Variants in METTL15 observed in about 807,000 individuals in gnomAD.
METTL15 encodes the protein methyltransferase 15, mitochondrial 12S rRNA N4-cytidine, also known as 12S rRNA N(4)-cytidine methyltransferase METTL15.
METTL15 carries 34 observed loss-of-function variants against 38.3 expected under a neutral mutation model. The ratio of observed to expected loss-of-function variants is 0.89; its 90% CI spans 0.68 to 1.18. The LOEUF (loss-of-function observed/expected upper bound fraction) is 1.18. Ranked by LOEUF, METTL15 falls within the 50% of genes most tolerant of loss-of-function variation. METTL15 has a pLI of 0.00. For missense variants in METTL15, 438 were observed against 498.4 expected (o/e 0.88, Z 1.15); for synonymous variants, 162 against 170.9 (o/e 0.95, Z 0.41).
chr11:28,476,430 T>C (rs570519805), intron 6 of METTL15, among the ~76,000 whole-genome samples: 2 of 152,300 alleles, frequency 1.3e-5, no homozygotes, highest in East Asian at 3.9e-4. Flanking sequence ...GAATTCTTAT[T>C]TGGTATTATT....
chr11:28,323,127 A>G (rs1159859122), intron 6 of METTL15, among the ~76,000 whole-genome samples: 1 of 152,214 alleles, frequency 6.6e-6, no homozygotes, highest in African/African-American at 2.4e-5. Flanking sequence ...TTGAATTTAA[A>G]GAATTTAAAG....
chr11:28,491,570 GGGGCAGAATA>G (rs1851494944), intron 6 of METTL15, among the ~76,000 whole-genome samples: 2 of 152,016 alleles, frequency 1.3e-5, no homozygotes, highest in African/African-American at 2.4e-5. Context: ...CAAAAATAGA[GGGGCAGAATA>G]TGGCAGGTCA....
intron 3 of METTL15, among the ~76,000 whole-genome samples, chr11:28,176,528 A>G (rs897822251): frequency 2.6e-5 from 4 of 152,182 alleles, no homozygotes; most frequent in African/African-American, 9.6e-5. Flanking sequence ...ATAAGGGTTA[A>G]ATCAGTTAAT....
intron 3 of METTL15, among the ~76,000 whole-genome samples, chr11:28,189,379 A>G (rs1006381772): frequency 2.0e-5 from 3 of 151,326 alleles, no homozygotes; most frequent in African/African-American, 7.2e-5. Flanking sequence ...GTTATAATAG[A>G]TAAATATAGG....
At chr11:28,283,855 C>T (rs896460139) in intron 4 of METTL15, among the ~76,000 whole-genome samples, 2 of 152,020 alleles carry the variant, frequency 1.3e-5, no homozygotes, top group Non-Finnish European at 2.9e-5. Flanking sequence ...TTTTCTGTTA[C>T]TTTTAACACT....
At chr11:28,121,486 AC>A (rs1273711164) in intron 3 of METTL15, among the ~76,000 whole-genome samples, 2 of 152,150 alleles carry the variant, frequency 1.3e-5, no homozygotes, top group Admixed American at 1.3e-4. Flanking sequence ...CTTCTAATAA[AC>A]CTTAAAAGGG....
intron 5 of METTL15, among the ~76,000 whole-genome samples, chr11:28,396,374 C>T (rs1394392128): frequency 1.3e-5 from 2 of 152,122 alleles, no homozygotes; most frequent in African/African-American, 2.4e-5. Context: ...TCTCCTTAAG[C>T]TGATAGGCAA....
intron 6 of METTL15, among the ~76,000 whole-genome samples, chr11:28,485,280 T>C (rs1195946611): frequency 1.3e-5 from 2 of 152,186 alleles, no homozygotes; most frequent in Non-Finnish European, 2.9e-5. Flanking sequence ...AATTATAATG[T>C]CAGGATGCTG....
intron 3 of METTL15, among the ~76,000 whole-genome samples, chr11:28,138,921 G>A (rs1476356831): frequency 6.6e-6 from 1 of 152,098 alleles, no homozygotes; most frequent in Non-Finnish European, 1.5e-5. Flanking sequence ...GACACAAAAA[G>A]CACACCAGAT....
chr11:28,405,190 T>C (rs997921046), intron 5 of METTL15, among the ~76,000 whole-genome samples: 1 of 152,150 alleles, frequency 6.6e-6, no homozygotes, highest in Non-Finnish European at 1.5e-5. Flanking sequence ...ACTTTTTCAC[T>C]ATATTATGTG....
chr11:28,378,223 G>A (rs1850341163), intron 5 of METTL15, among the ~76,000 whole-genome samples: 1 of 152,230 alleles, frequency 6.6e-6, no homozygotes, highest in Non-Finnish European at 1.5e-5. Flanking sequence ...ACCTAAGCAA[G>A]CTTGGGCAAT....
chr11:28,343,230 AC>A (rs1241736390), intron 3 of METTL15, among the ~76,000 whole-genome samples: 1 of 150,382 alleles, frequency 6.6e-6, no homozygotes, highest in Non-Finnish European at 1.5e-5. Context: ...AAAAAAAAAA[AC>A]TTATAGTGAA....
chr11:28,262,609 A>G (rs1392013856), intron 4 of METTL15, among the ~76,000 whole-genome samples: 7 of 152,084 alleles, frequency 4.6e-5, no homozygotes, highest in African/African-American at 1.2e-4. Context: ...AAGACTAAAA[A>G]TTTCTCTTCT....
chr11:28,530,201 A>C (rs914512922), downstream of METTL15, among the ~76,000 whole-genome samples: 2 of 152,196 alleles, frequency 1.3e-5, no homozygotes, highest in Non-Finnish European at 2.9e-5. Context: ...TTTGGTGGTT[A>C]AAATTCTTAA....
intron 3 of METTL15, among the ~76,000 whole-genome samples, chr11:28,204,114 A>G (rs948969788): frequency 6.6e-6 from 1 of 152,044 alleles, no homozygotes; most frequent in African/African-American, 2.4e-5. Context: ...ATATCACATT[A>G]CTTAGCACCT....
chr11:28,356,170 A>G (rs1488608257), intron 4 of METTL15, among the ~76,000 whole-genome samples: 1 of 152,098 alleles, frequency 6.6e-6, no homozygotes, highest in African/African-American at 2.4e-5. Flanking sequence ...CCTTTGCTGG[A>G]TATTTGGTAT....
At chr11:28,325,771 A>G (rs1849616490) in intron 6 of METTL15, among the ~76,000 whole-genome samples, 1 of 152,226 alleles carries the variant, frequency 6.6e-6, no homozygotes, top group South Asian at 2.1e-4. Flanking sequence ...AGTCAGAATT[A>G]AGAATCACAA....
intron 6 of METTL15, among the ~76,000 whole-genome samples, chr11:28,485,005 A>G (rs1209792236): frequency 2.6e-5 from 4 of 151,978 alleles, no homozygotes; most frequent in Non-Finnish European, 4.4e-5. Context: ...AGGCCTGGAG[A>G]GGAATTATTC....
At chr11:28,231,871 T>C (rs1199985600) in intron 4 of METTL15, among the ~76,000 whole-genome samples, 2 of 151,912 alleles carry the variant, frequency 1.3e-5, no homozygotes, top group African/African-American at 4.8e-5. Context: ...TTCCATATAT[T>C]ATATGCTCCT....
Sources: allele counts gnomAD v4.1 joint callset (sites outside exome capture counted in the v4.1 genomes callset), GRCh38; gene constraint gnomAD v4.1.1; transcripts MANE v1.5; gene names NCBI Gene and HGNC (gene_info 2026-07-23, HGNC 2026-07-21).